Variants in AP2A2 observed in about 807,000 individuals in gnomAD.
The protein encoded by AP2A2 is adaptor related protein complex 2 subunit alpha 2.
Under a neutral mutation model 104.2 loss-of-function variants are expected in AP2A2, and 32 were observed. The ratio of observed to expected loss-of-function variants is 0.31; its 90% CI spans 0.23 to 0.41. AP2A2 has a LOEUF of 0.41. Among genes scored for constraint, AP2A2 ranks in the 10% least tolerant of loss-of-function variants. AP2A2 has a pLI of 1.00. For synonymous variants in AP2A2, 539 were observed against 533.3 expected (o/e 1.01, Z -0.15); for missense variants, 912 against 1,261.0 (o/e 0.72, Z 4.19).
chr11:943,798 CA>C (rs1481648864), intron 1 of AP2A2, among the ~76,000 whole-genome samples: 1 of 138,220 alleles, frequency 7.2e-6, no homozygotes, highest in Non-Finnish European at 1.5e-5. Context: ...ACCGGAGACG[CA>C]GGTGGCAGCG....
At chr11:1,000,371 T>C in intron 14 of AP2A2, 61 bp from the exon 15 acceptor site, 1 of 1,507,188 alleles carries the variant, frequency 6.6e-7, no homozygotes, top group Non-Finnish European at 8.9e-7. Context: ...AGGCGTGAGC[T>C]GCCTGGGGTT....
At chr11:983,526 G>T (rs891319232) in intron 6 of AP2A2, among the ~76,000 whole-genome samples, 1 of 151,974 alleles carries the variant, frequency 6.6e-6, no homozygotes, top group African/African-American at 2.4e-5. Context: ...GGGACTACAG[G>T]CGCCCGCCAC....
intron 13 of AP2A2, 33 bp downstream of exon 13, chr11:994,018 C>T: frequency 6.2e-7 from 1 of 1,609,010 alleles, no homozygotes; most frequent in Non-Finnish European, 8.5e-7. Flanking sequence ...GCTGGCTTGG[C>T]TGAGGGTTGG....
In AP2A2 at chr11:993,892, C is replaced by T. The variant is rs1855751503; in HGVS notation, c.1689C>T (p.Arg563=). Residue 563 remains arginine (R), a synonymous_variant, in exon 13 of 22, where the codon CGC becomes CGT. Transcript: ENST00000448903. The surrounding 1 kb of genome is among the most constrained non-coding windows in gnomAD (Gnocchi z 8.2). ...EVKPTIQDVL[R]SDSQLRNADV... ...AGCCCACCATCCAGGACGTGCTGCGCAGCGACAGCCAGCTCAGGAACGCAG... is the reference window on the plus strand; with the variant it reads ...AGCCCACCATCCAGGACGTGCTGCGTAGCGACAGCCAGCTCAGGAACGCAG... The T allele has an allele frequency of 2.5e-6, 4 of 1,610,790 alleles. No individual in the cohort carries two copies. The African/African-American group carries it at 5.3e-5, about 21-fold the overall frequency.
At position 960,281 on chromosome 11, in the gene AP2A2, C is replaced by T. The variant is rs186933629; in HGVS notation, c.136+776C>T. Among the ~76,000 whole-genome samples, 359 of 149,222 alleles carry T rather than the reference C, an allele frequency of 2.4e-3. 3 individuals carry two copies. Among genetic ancestry groups the T allele is most frequent in the African/African-American group, 7.6e-3 (307 of 40,520 alleles). On this transcript the variant is annotated intron_variant, in intron 2 of 21. Transcript: ENST00000448903. ...TTTTTGAGATGGAGTCTTGCTCTGT[C>T]GCTCAGTGTGGAGTGCAGTGGCACG...
rs771782809 is a variant in AP2A2 at position 1,008,059 on chromosome 11, G to A, written c.2344G>A (p.Ala782Thr). 8 of 1,584,606 alleles carry A rather than the reference G, an allele frequency of 5.0e-6. No individual in the cohort carries two copies. In the Admixed American group the frequency reaches 1.1e-4, roughly 21 times the overall value. ...CGTGGACCCGACCGTGGAGGGGGGC[G>A]CGCAGGTGCAGCAGGTGGTCAACAT... ...KPVDPTVEGG[A>T]QVQQVVNIEC... Residue 782 changes from alanine to threonine, a missense_variant, in exon 18 of 22, where the codon GCG becomes ACG. Ala to Thr is a moderately conservative substitution (Grantham distance 58). This residue lies in a region of AP2A2 where 239 missense variants were observed against 329.8 expected (regional missense o/e 0.72). Transcript: ENST00000448903.
Position 1,010,965 on chromosome 11 carries a change from C to G in AP2A2, c.*340C>G. The G allele has an allele frequency of 1.4e-6, 1 of 726,608 alleles. No homozygotes were observed. 45.0% of individuals were successfully genotyped at this position (726,608 alleles called of 1,614,324 possible). A position where few individuals can be genotyped will look rare whatever the true frequency, so the allele number is the denominator to read the frequency against. On this transcript the variant is annotated 3_prime_UTR_variant, in exon 22 of 22. Transcript: ENST00000448903. Reference sequence around the variant, plus strand: ...TTTGTGGGAGTGTCACTGAGATGGCCCGTGCTGCCGCCCACCCCGCCTCGG... The same window carrying G: ...TTTGTGGGAGTGTCACTGAGATGGCGCGTGCTGCCGCCCACCCCGCCTCGG...
intron 15 of AP2A2, among the ~76,000 whole-genome samples, chr11:1,001,896 C>T (rs922217273): frequency 4.6e-5 from 7 of 152,086 alleles, no homozygotes; most frequent in African/African-American, 7.2e-5. Context: ...TGCATGCGGC[C>T]GTCTTGGCTT....
At chr11:981,344 T>G (rs896303171) in intron 6 of AP2A2, 45 bp downstream of exon 6, 3 of 1,432,806 alleles carry the variant, frequency 2.1e-6, no homozygotes, top group Non-Finnish European at 2.9e-6. Flanking sequence ...GGGTTTTGTC[T>G]TAGTTATTTA....
chr11:988,884 A>G (rs1455222745), intron 10 of AP2A2, 195 bp downstream of exon 10: 2 of 702,576 alleles, frequency 2.8e-6, no homozygotes, highest in Non-Finnish European at 4.6e-6. Context: ...GGTCCCCGCT[A>G]CTCCTGAGGT....
Position 984,856 on chromosome 11 carries a change from C to T in AP2A2, c.814+103C>T, listed in dbSNP as rs548365461. 6.9e-6 allele frequency: 7 copies of T among 1,012,032 alleles called. No homozygotes were observed. In the African/African-American group the frequency reaches 9.4e-5, roughly 14 times the overall value. 62.7% of individuals were successfully genotyped at this position (1,012,032 alleles called of 1,614,324 possible). A position where few individuals can be genotyped will look rare whatever the true frequency, so the allele number is the denominator to read the frequency against. The stretch of plus-strand genomic sequence containing the variant: ...GTTATTTTAAGAAGTGTGTTACTAG[C>T]CCTGTCTCTTGATTCATGGACCTTT... On this transcript the variant is annotated intron_variant, in intron 7 of 21. Coordinates refer to ENST00000448903, the MANE Select transcript of AP2A2 (RefSeq NM_012305.4).
chr11:962,522 C>T lies in AP2A2; in HGVS notation c.136+3017C>T, dbSNP rs531497935. On this transcript the variant is annotated intron_variant, in intron 2 of 21. Coordinates refer to ENST00000448903, the MANE Select transcript of AP2A2 (RefSeq NM_012305.4). ...CTGAGGCGGGCGGATCGATTGAGGT[C>T]GGGAGTTCGAGACCAGCCTGGCCAA... 7.2e-5 allele frequency among the ~76,000 whole-genome samples: 11 copies of T among 152,152 alleles called. No individual in the cohort carries two copies. The East Asian group carries it at 1.4e-3, about 19-fold the overall frequency.
At chr11:974,626 A>AGCCG in intron 4 of AP2A2, among the ~76,000 whole-genome samples, 1 of 135,926 alleles carries the variant, frequency 7.4e-6, no homozygotes, top group Middle Eastern at 5.0e-3. Flanking sequence ...AGGCTGCAGT[A>AGCCG]AGTTGGAGAT....
chr11:1,009,684 TC>T lies in AP2A2; in HGVS notation c.2610del (p.Ile871LeufsTer97). ...TCATTCTCCTGTTTCTTTGGACAGATCATTGGATTTGGTTCTGCACTTCTTG... is the reference window on the plus strand; with the variant it reads ...TCATTCTCCTGTTTCTTTGGACAGATATTGGATTTGGTTCTGCACTTCTTG... ...PMDTEVTKAK[I>X]IGFGSALLEE... On this transcript the variant is annotated frameshift_variant and splice_region_variant, in exon 21 of 22. Transcript: ENST00000448903. LOFTEE classifies it high-confidence loss of function. 1 of 1,571,470 alleles carries T rather than the reference TC, an allele frequency of 6.4e-7. No individual in the cohort carries two copies. Among genetic ancestry groups the T allele is most frequent in the Non-Finnish European group, 8.6e-7 (1 of 1,156,612 alleles).
intron 1 of AP2A2, among the ~76,000 whole-genome samples, chr11:934,418 G>A (rs868006184): frequency 6.6e-6 from 1 of 152,112 alleles, no homozygotes; most frequent in African/African-American, 2.4e-5. Flanking sequence ...GAGCCACTGC[G>A]CCCAGCCCTT....
chr11:926,567 T>TG (rs1417902135), intron 1 of AP2A2, among the ~76,000 whole-genome samples: 1 of 152,190 alleles, frequency 6.6e-6, no homozygotes, highest in African/African-American at 2.4e-5. Context: ...CTGGAGCGTT[T>TG]AACCCAGCGT....
intron 14 of AP2A2, among the ~76,000 whole-genome samples, chr11:998,943 C>T (rs367553669): frequency 5.3e-5 from 8 of 152,278 alleles, no homozygotes; most frequent in Non-Finnish European, 8.8e-5. Flanking sequence ...CTGCCCCCCT[C>T]GGCCTCCCAA....
At chr11:963,748 A>C (rs775852715) in intron 2 of AP2A2, among the ~76,000 whole-genome samples, 1 of 152,188 alleles carries the variant, frequency 6.6e-6, no homozygotes, top group Non-Finnish European at 1.5e-5. Context: ...TTGGCCTCCC[A>C]AGTAACTGGG....
At chr11:947,656 C>T (rs115154817) in intron 1 of AP2A2, among the ~76,000 whole-genome samples, 4,330 of 152,026 alleles carry the variant, frequency 0.028, 211 homozygotes, top group African/African-American at 0.097. Flanking sequence ...ATTAGTTGGG[C>T]ATGGTGGCGT....
Sources: gnomAD v4.1 joint callset for allele counts (sites outside exome capture counted in the v4.1 genomes callset) on GRCh38, gnomAD v4.1.1 for gene constraint, gnomAD v4.1.1 regional missense constraint, Gnocchi (gnomAD v3.1) non-coding constraint, MANE v1.5 for transcripts, NCBI Gene and HGNC (gene_info 2026-07-23, HGNC 2026-07-21) for gene names.